ANKS1B: variants seen among roughly 807,000 people sequenced by gnomAD.
The protein encoded by ANKS1B is ankyrin repeat and sterile alpha motif domain containing 1B, also known as ankyrin repeat and sterile alpha motif domain-containing protein 1B.
A neutral mutation model predicts 148.3 loss-of-function variants in ANKS1B; 36 were observed. That is an observed-to-expected ratio of 0.24 (90% CI 0.19 to 0.32). ANKS1B has a LOEUF of 0.32. Ranked by LOEUF, ANKS1B falls within the 10% of genes least tolerant of loss-of-function variation. The pLI is 1.00. For synonymous variants in ANKS1B, 542 were observed against 560.8 expected, an observed-to-expected ratio of 0.97 and a Z score of 0.47; for missense variants, 1,157 against 1,542.6, an observed-to-expected ratio of 0.75 and a Z score of 4.19.
intron 17 of ANKS1B, among the ~76,000 whole-genome samples, chr12:98,860,681 A>G (rs1273321508): frequency 2.0e-5 from 3 of 152,096 alleles, no homozygotes; most frequent in South Asian, 2.1e-4. Context: ...AGCTCCATCC[A>G]TGGACACAGG....
At chr12:99,166,327 C>G (rs1416816663) in intron 14 of ANKS1B, among the ~76,000 whole-genome samples, 4 of 151,776 alleles carry the variant, frequency 2.6e-5, no homozygotes, top group Non-Finnish European at 5.9e-5. Context: ...AGCAGTAGAA[C>G]TGCTTCTTGC....
chr12:98,814,053 G>A (rs2099119265), intron 19 of ANKS1B, among the ~76,000 whole-genome samples: 1 of 58,648 alleles, frequency 1.7e-5, no homozygotes, highest in African/African-American at 7.3e-5. Context: ...GCTGATTTTT[G>A]TATTTTTAGT....
intron 1 of ANKS1B, among the ~76,000 whole-genome samples, chr12:99,914,687 AG>A (rs2094114420): frequency 6.6e-6 from 1 of 152,108 alleles, no homozygotes. Context: ...TGATAGGGAA[AG>A]GGGGAGGGTG....
intron 25 of ANKS1B, among the ~76,000 whole-genome samples, chr12:98,754,237 G>A (rs1378552494): frequency 1.3e-5 from 2 of 152,234 alleles, no homozygotes; most frequent in Non-Finnish European, 2.9e-5. Flanking sequence ...CTCCAGAGAT[G>A]AGTCAGCCTA....
rs554219249 is a variant in ANKS1B at position 99,040,404 on chromosome 12, A to G, written c.2778+12753T>C. 2.6e-5 allele frequency among the ~76,000 whole-genome samples: 4 copies of G among 152,170 alleles called. No individual in the cohort carries two copies. In the East Asian group the frequency reaches 7.7e-4, roughly 29 times the overall value. On this transcript the variant is annotated intron_variant, in intron 17 of 26. Coordinates refer to ENST00000683438, the MANE Select transcript of ANKS1B (RefSeq NM_001352186.2). ...GTGGCTGCCACGAAGAAGAAATGGA[A>G]CTTCCTAAGTCAGCCATCCTGACAG...
chr12:99,517,490 G>C (rs1567254622), intron 9 of ANKS1B, among the ~76,000 whole-genome samples: 1 of 151,724 alleles, frequency 6.6e-6, no homozygotes, highest in Non-Finnish European at 1.5e-5. Context: ...GGCCAAGATG[G>C]GCGGATCATC....
intron 25 of ANKS1B, among the ~76,000 whole-genome samples, chr12:98,768,850 A>C (rs1405747175): frequency 6.6e-6 from 1 of 151,206 alleles, no homozygotes; most frequent in African/African-American, 2.4e-5. Context: ...CATAGTACGT[A>C]AACTATGTTA....
At chr12:99,164,256 ATG>A (rs916617128) in intron 14 of ANKS1B, among the ~76,000 whole-genome samples, 3 of 152,136 alleles carry the variant, frequency 2.0e-5, no homozygotes, top group African/African-American at 7.2e-5. Context: ...GCATTTAAAA[ATG>A]TGTCTCATAA....
intron 17 of ANKS1B, among the ~76,000 whole-genome samples, chr12:98,886,528 G>C (rs887027127): frequency 6.6e-6 from 1 of 152,220 alleles, no homozygotes; most frequent in African/African-American, 2.4e-5. Flanking sequence ...GATAAGTGAT[G>C]TTCCTGAAGT....
At chr12:99,403,152 CTTTTTTTTTTT>C (rs143800860) in intron 11 of ANKS1B, among the ~76,000 whole-genome samples, 1 of 73,150 alleles carries the variant, frequency 1.4e-5, no homozygotes, top group East Asian at 4.3e-4. Context: ...ACTTTTCTTT[CTTTTTTTTTTT>C]TTTTTTTTTT....
intron 12 of ANKS1B, among the ~76,000 whole-genome samples, chr12:99,331,928 G>C (rs2087643092): frequency 6.6e-6 from 1 of 151,958 alleles, no homozygotes; most frequent in Admixed American, 6.6e-5. Flanking sequence ...TGCGATTATA[G>C]AGGAAATAAA....
chr12:98,907,757 C>A (rs1306297012), intron 17 of ANKS1B, among the ~76,000 whole-genome samples: 2 of 152,204 alleles, frequency 1.3e-5, no homozygotes, highest in African/African-American at 4.8e-5. Flanking sequence ...TGGGAGGGAC[C>A]CAGTGGGAGA....
intron 1 of ANKS1B, among the ~76,000 whole-genome samples, chr12:99,932,727 G>T (rs566071011): frequency 2.2e-4 from 33 of 151,932 alleles, no homozygotes; most frequent in Non-Finnish European, 4.6e-4. Context: ...TCTGTGGATT[G>T]TCTCTTCATT....
chr12:99,767,060 C>T (rs953836721), intron 8 of ANKS1B, among the ~76,000 whole-genome samples: 4 of 152,020 alleles, frequency 2.6e-5, no homozygotes, highest in African/African-American at 9.7e-5. Context: ...GTAGGGACCT[C>T]ACTCCCAGAG....
chr12:99,121,523 A>G (rs952987139), intron 15 of ANKS1B, among the ~76,000 whole-genome samples: 11 of 152,186 alleles, frequency 7.2e-5, no homozygotes, highest in Non-Finnish European at 1.0e-4. Flanking sequence ...TGCATTTCAT[A>G]CATACAGGTG....
At chr12:99,983,449 C>T (rs1462462329) in intron 1 of ANKS1B, among the ~76,000 whole-genome samples, 2 of 152,178 alleles carry the variant, frequency 1.3e-5, no homozygotes, top group Non-Finnish European at 2.9e-5. Flanking sequence ...TATACAGTAT[C>T]CCAATACCAA....
intron 1 of ANKS1B, among the ~76,000 whole-genome samples, chr12:99,959,988 A>G (rs1414161569): frequency 1.3e-5 from 2 of 152,170 alleles, no homozygotes; most frequent in Admixed American, 6.6e-5. Flanking sequence ...AGCAGGGAAA[A>G]TTTCCTTTTC....
chr12:99,325,150 G>C (rs2086069704), intron 12 of ANKS1B, among the ~76,000 whole-genome samples: 1 of 151,996 alleles, frequency 6.6e-6, no homozygotes, highest in African/African-American at 2.4e-5. Flanking sequence ...TGCATATTAT[G>C]AAAAAGTATG....
rs535518204 is a variant in ANKS1B, at chr12:99,715,155, T to C, written c.1128+57767A>G. On this transcript the variant is annotated intron_variant, in intron 8 of 26. Transcript: ENST00000683438. ...AAATAAAAAATAATAAATAAATAAA[T>C]AAAAAGCTACAAATGATTAAGCTTG... Among the ~76,000 whole-genome samples the C allele has an allele frequency of 2.6e-5, 4 of 151,562 alleles. No homozygotes were observed. In the East Asian group the frequency reaches 7.8e-4, roughly 29 times the overall value.
Sources: gnomAD v4.1 joint callset for allele counts (sites outside exome capture counted in the v4.1 genomes callset) on GRCh38, gnomAD v4.1.1 for gene constraint, MANE v1.5 for transcripts, NCBI Gene and HGNC (gene_info 2026-07-23, HGNC 2026-07-21) for gene names.